ASXL3: variants seen among roughly 807,000 people sequenced by gnomAD.
The protein encoded by ASXL3 is putative Polycomb group protein ASXL3.
Under a neutral mutation model 170.6 loss-of-function variants are expected in ASXL3, and 34 were observed. The ratio of observed to expected loss-of-function variants is 0.20; its 90% confidence interval spans 0.15 to 0.27. The LOEUF (loss-of-function observed/expected upper bound fraction) is 0.27, where lower values mean the gene tolerates loss of function less well. Among genes scored for constraint, ASXL3 ranks in the 10% least tolerant of loss-of-function variants. The probability of loss-of-function intolerance (pLI) is 1.00; values close to 1 mark genes in which losing one functional copy is unlikely to be tolerated. For synonymous variants in ASXL3, 1,002 were observed against 989.1 expected, an observed-to-expected ratio of 1.01 and a Z score of -0.24; for missense variants, 2,592 against 2,695.3, an observed-to-expected ratio of 0.96 and a Z score of 0.85.
At chr18:33,692,725 G>A (rs964730501) in intron 8 of ASXL3, among the ~76,000 whole-genome samples, 1 of 152,182 alleles carries the variant, frequency 6.6e-6, no homozygotes, top group African/African-American at 2.4e-5. Context: ...TAGGTGCTCA[G>A]TAAAGGTTTT....
chr18:33,601,607 C>T (rs2065183656), intron 1 of ASXL3, among the ~76,000 whole-genome samples: 1 of 151,404 alleles, frequency 6.6e-6, no homozygotes, highest in African/African-American at 2.4e-5. Context: ...AGTAGTGCTA[C>T]AATTTGGAGA....
chr18:33,742,436 G>A (rs2067679572), intron 11 of ASXL3, among the ~76,000 whole-genome samples: 1 of 152,190 alleles, frequency 6.6e-6, no homozygotes. Flanking sequence ...AATTCTAGTT[G>A]TCAATATCTC....
chr18:33,619,446 G>T, intron 2 of ASXL3, among the ~76,000 whole-genome samples: 1 of 139,786 alleles, frequency 7.2e-6, no homozygotes, highest in East Asian at 2.4e-4. Context: ...TTTGAAGACT[G>T]AAAAAAAAAA....
At position 33,739,175 on chromosome 18, in the gene ASXL3, G is replaced by A. The variant is rs1251116197; in HGVS notation, c.1771G>A (p.Asp591Asn). The change falls in exon 11 of 12, where the codon GAT becomes AAT. Residue 591 changes from aspartate (D) to asparagine (N), a missense_variant. Transcript: ENST00000269197. ...GTTTCCAAATGAAGGAATTGCTATA[G>A]ATATGGAGCTACAGAGTGACCCTGA... ...GQFPNEGIAIDMELQSDPEEQ... is the reference protein window; with the variant it reads ...GQFPNEGIAINMELQSDPEEQ... The A allele has an allele frequency of 1.2e-6, 2 of 1,613,794 alleles. No homozygotes were observed. Among genetic ancestry groups the A allele is most frequent in the South Asian group, 2.2e-5 (2 of 91,062 alleles).
chr18:33,636,337 A>C (rs796436314), intron 2 of ASXL3, among the ~76,000 whole-genome samples: 1,681 of 38,004 alleles, frequency 0.044, 32 homozygotes, highest in African/African-American at 0.14. Context: ...CAACAACAGC[A>C]ACAACAACAG....
chr18:33,732,724 G>A (rs1599555394), intron 9 of ASXL3, among the ~76,000 whole-genome samples: 1 of 152,016 alleles, frequency 6.6e-6, no homozygotes, highest in Admixed American at 6.6e-5. Context: ...GCATGGTGGT[G>A]CATACCTATA....
chr18:33,700,187 A>G (rs1203549448), intron 8 of ASXL3, among the ~76,000 whole-genome samples: 2 of 152,016 alleles, frequency 1.3e-5, no homozygotes, highest in East Asian at 3.9e-4. Flanking sequence ...ATGTTTAGAG[A>G]TCAAAGTGAT....
chr18:33,745,914 T>G lies in ASXL3; in HGVS notation c.6066T>G (p.Pro2022=). Residue 2022 remains proline, a synonymous_variant, in exon 12 of 12, where the codon CCT becomes CCG. Coordinates refer to ENST00000269197, the MANE Select transcript of ASXL3 (RefSeq NM_030632.3). ...TAGTACATCCGCCGCCGCCACCGCC[T>G]CCCCCTCCCCCTCCACCCTTGGCTT... ...KALVHPPPPP[P]PPPPPPLALP... 3.0e-6 allele frequency: 4 copies of G among 1,339,214 alleles called. No individual in the cohort carries two copies. The highest frequency in any genetic ancestry group is 4.0e-6 in the Non-Finnish European group (4 of 1,002,704). 83.0% of individuals were successfully genotyped at this position (1,339,214 alleles called of 1,614,324 possible). A position where few individuals can be genotyped will look rare whatever the true frequency, so the allele number is the denominator to read the frequency against.
intron 8 of ASXL3, among the ~76,000 whole-genome samples, chr18:33,710,216 G>A (rs1338503708): frequency 2.0e-5 from 3 of 152,110 alleles, no homozygotes; most frequent in Admixed American, 1.3e-4. Context: ...AGATCAGATC[G>A]CACCACTGTA....
At chr18:33,592,958 T>C (rs1190891372) in intron 1 of ASXL3, among the ~76,000 whole-genome samples, 2 of 152,350 alleles carry the variant, frequency 1.3e-5, no homozygotes, top group East Asian at 3.9e-4. Flanking sequence ...CTTGTTTATA[T>C]TTTTGCCTTA....
chr18:33,594,033 C>T (rs1034625840), intron 1 of ASXL3, among the ~76,000 whole-genome samples: 1 of 152,170 alleles, frequency 6.6e-6, no homozygotes, highest in Non-Finnish European at 1.5e-5. Context: ...GCATAGTTAT[C>T]TTTTAAACCT....
chr18:33,716,257 G>A (rs1037665906), intron 8 of ASXL3, among the ~76,000 whole-genome samples: 1 of 152,176 alleles, frequency 6.6e-6, no homozygotes, highest in Admixed American at 6.5e-5. Flanking sequence ...AAGCAGACCC[G>A]TGGAACATAG....
chr18:33,721,047 A>G (rs2067249512), intron 8 of ASXL3, among the ~76,000 whole-genome samples: 2 of 152,100 alleles, frequency 1.3e-5, no homozygotes, highest in African/African-American at 4.8e-5. Flanking sequence ...CATCCCTGAA[A>G]TATGGCTTTC....
chr18:33,722,270 G>A (rs917761712), intron 8 of ASXL3, among the ~76,000 whole-genome samples: 1 of 152,100 alleles, frequency 6.6e-6, no homozygotes, highest in Admixed American at 6.6e-5. Context: ...ATTACATTTA[G>A]TAATGAGGAA....
intron 2 of ASXL3, among the ~76,000 whole-genome samples, chr18:33,620,744 C>T (rs949877717): frequency 2.0e-5 from 3 of 152,118 alleles, no homozygotes; most frequent in African/African-American, 7.2e-5. Context: ...GTGAAATAGT[C>T]TCTGAAGCAT....
In ASXL3 at chr18:33,746,064, C is replaced by A; in HGVS notation, c.6216C>A (p.Ser2072=). ...CTAAGAGACTTAGTTGGCCACAGTCCACGGGCATATGTAGCAATATAAAAT... is the reference window on the plus strand; with the variant it reads ...CTAAGAGACTTAGTTGGCCACAGTCAACGGGCATATGTAGCAATATAAAAT... ...ETTKRLSWPQ[S]TGICSNIKSE... Residue 2072 remains serine, a synonymous_variant, in exon 12 of 12, where the codon TCC becomes TCA. Coordinates refer to ENST00000269197, the MANE Select transcript of ASXL3 (RefSeq NM_030632.3). 6.2e-7 allele frequency: 1 copy of A among 1,613,160 alleles called. No homozygotes were observed.
intron 4 of ASXL3, among the ~76,000 whole-genome samples, chr18:33,658,469 T>C (rs1468312216): frequency 2.0e-5 from 3 of 152,078 alleles, no homozygotes; most frequent in Admixed American, 2.0e-4. Context: ...CAAATGCCCA[T>C]GAAAAAAGGT....
rs1279751976 is a variant in ASXL3, at chr18:33,745,196, A to G, written c.5348A>G (p.Gln1783Arg). Residue 1783 changes from glutamine to arginine, a missense_variant, in exon 12 of 12, where the codon CAA becomes CGA. Coordinates refer to ENST00000269197, the MANE Select transcript of ASXL3 (RefSeq NM_030632.3). The part of the protein sequence containing the change: ...LEINRLPLPL[Q>R]TTSVGKTAPE... Reference sequence around the variant, plus strand: ...ATCAACAGGCTTCCATTGCCTCTTCAAACTACCTCAGTGGGTAAAACAGCA... The same window carrying G: ...ATCAACAGGCTTCCATTGCCTCTTCGAACTACCTCAGTGGGTAAAACAGCA... The G allele has an allele frequency of 1.5e-5, 24 of 1,614,040 alleles. No individual in the cohort carries two copies. Among genetic ancestry groups the G allele is most frequent in the Non-Finnish European group, 1.9e-5 (23 of 1,179,902 alleles).
At chr18:33,686,900 A>G (rs545040982) in intron 8 of ASXL3, among the ~76,000 whole-genome samples, 3 of 152,232 alleles carry the variant, frequency 2.0e-5, no homozygotes, top group Non-Finnish European at 4.4e-5. Flanking sequence ...GGGAGCAGGT[A>G]TCTCTGTGAA....
Sources: gnomAD v4.1 joint callset for allele counts (sites outside exome capture counted in the v4.1 genomes callset) on GRCh38, gnomAD v4.1.1 for gene constraint, MANE v1.5 for transcripts, NCBI Gene and HGNC (gene_info 2026-07-23, HGNC 2026-07-21) for gene names.